The following SSBP3 variants were observed in gnomAD, a reference collection of about 807,000 sequenced individuals.
SSBP3 encodes the protein single stranded DNA binding protein 3.
In SSBP3, 5 loss-of-function variants were observed where a neutral mutation model predicts 69.6. That is an observed-to-expected ratio of 0.07 (90% CI 0.04 to 0.15). The LOEUF (loss-of-function observed/expected upper bound fraction) is 0.15, where lower values mean the gene tolerates loss of function less well. Ranked by LOEUF, SSBP3 falls within the 10% of genes least tolerant of loss-of-function variation. The pLI, the probability that SSBP3 is intolerant of heterozygous loss-of-function variation, is 1.00. For synonymous variants in SSBP3, 196 were observed against 193.4 expected (o/e 1.01, Z -0.11); for missense variants, 312 against 534.0 (o/e 0.58, Z 4.10).
intron 14 of SSBP3, among the ~76,000 whole-genome samples, chr1:54,233,489 G>T (rs1377580764): frequency 6.7e-6 from 1 of 149,208 alleles, no homozygotes; most frequent in Admixed American, 6.6e-5. Flanking sequence ...GGAGGGAGGT[G>T]GGGGGTCAGC....
intron 4 of SSBP3, among the ~76,000 whole-genome samples, chr1:54,281,828 G>A (rs1188365127): frequency 7.2e-5 from 11 of 152,086 alleles, no homozygotes; most frequent in Admixed American, 7.2e-4. Flanking sequence ...CGGATGTGGT[G>A]GCTCACAACT....
chr1:54,399,563 C>T (rs1207910412), intron 4 of SSBP3, among the ~76,000 whole-genome samples: 1 of 152,158 alleles, frequency 6.6e-6, no homozygotes, highest in Non-Finnish European at 1.5e-5. Context: ...AAGGCGTGAT[C>T]ACAGAATGCA....
intron 4 of SSBP3, among the ~76,000 whole-genome samples, chr1:54,307,928 G>C (rs1022913336): frequency 2.6e-5 from 4 of 152,314 alleles, no homozygotes; most frequent in African/African-American, 9.6e-5. Flanking sequence ...TGTCTATAGA[G>C]TAACCATTCT....
In SSBP3 at chr1:54,228,586, A is replaced by G. The variant is rs1644328399; in HGVS notation, c.1007-109T>C. On this transcript the variant is annotated intron_variant, in intron 15 of 17. Transcript: ENST00000610401. The stretch of plus-strand genomic sequence containing the variant: ...CTAAGCCCTTCCATCCCAGTCCCAC[A>G]CTGTGCGGAGGGCTTTCTGTGCGGC... The G allele has an allele frequency of 1.4e-5, 21 of 1,526,682 alleles. 2 individuals carry two copies. In the South Asian group the frequency reaches 2.3e-4, roughly 16 times the overall value. The allele number at this position is 1,526,682 out of a possible 1,614,324, so 94.6% of individuals were successfully genotyped here.
At chr1:54,412,679 AAG>A (rs903822263) in intron 1 of SSBP3, 2 of 152,228 alleles carry the variant, frequency 1.3e-5, no homozygotes, top group African/African-American at 4.8e-5. Context: ...TACGCTATAA[AAG>A]AGTTACAATG....
At chr1:54,319,470 A>G (rs1343988280) in intron 4 of SSBP3, among the ~76,000 whole-genome samples, 1 of 152,120 alleles carries the variant, frequency 6.6e-6, no homozygotes, top group Non-Finnish European at 1.5e-5. Flanking sequence ...GAAGGACGGG[A>G]AGCAGAAACC....
intron 9 of SSBP3, among the ~76,000 whole-genome samples, chr1:54,246,604 G>A (rs1042283469): frequency 3.9e-5 from 6 of 152,300 alleles, no homozygotes; most frequent in Admixed American, 2.6e-4. Flanking sequence ...CTATCCTGCC[G>A]CTCCTGACCC....
chr1:54,232,671 T>C (rs1323040499), intron 14 of SSBP3, among the ~76,000 whole-genome samples: 1 of 148,800 alleles, frequency 6.7e-6, no homozygotes, highest in African/African-American at 2.5e-5. Flanking sequence ...TGCTGCCATC[T>C]CAGCTCACTG....
intron 4 of SSBP3, among the ~76,000 whole-genome samples, chr1:54,294,772 A>C (rs1645675331): frequency 6.6e-6 from 1 of 152,092 alleles, no homozygotes; most frequent in Admixed American, 6.5e-5. Flanking sequence ...TCTGAAGACG[A>C]GTGTCTGCTC....
rs114969868 is a variant in SSBP3, at chr1:54,363,789, G to A, written c.276+38072C>T. Among the ~76,000 whole-genome samples the A allele has an allele frequency of 5.4e-3, 824 of 152,280 alleles. 13 individuals are homozygous for A. Among genetic ancestry groups the A allele is most frequent in the African/African-American group, 0.019 (786 of 41,552 alleles). ...TATAGGGAAAGGTATATTGTTTTGT[G>A]GTAGAGACTTTCCTTAATCGGACTT... On this transcript the variant is annotated intron_variant, in intron 4 of 17. Transcript: ENST00000610401.
intron 4 of SSBP3, among the ~76,000 whole-genome samples, chr1:54,319,493 A>C (rs190481593): frequency 6.6e-6 from 1 of 152,230 alleles, no homozygotes; most frequent in African/African-American, 2.4e-5. Flanking sequence ...TTTATAAGGG[A>C]AATTTCCAAA....
intron 4 of SSBP3, among the ~76,000 whole-genome samples, chr1:54,399,261 T>C (rs952132773): frequency 3.9e-5 from 6 of 152,220 alleles, no homozygotes; most frequent in Admixed American, 3.9e-4. Context: ...TGCCAACAAA[T>C]GGTACTTGCC....
rs530494505 is a variant in SSBP3 at position 54,411,770 on chromosome 1, C to T, written c.-275+1586G>A. On this transcript the variant is annotated intron_variant, in intron 1 of 8. Transcript: ENST00000525990. ...AGCTGGGCATGGTGGCGGGCGCCTG[C>T]AGTCCCAGCTACTCAGGAGGCTGAG... 2.6e-4 allele frequency among the ~76,000 whole-genome samples: 39 copies of T among 151,350 alleles called. No individual in the cohort carries two copies. In the South Asian group the frequency reaches 4.0e-3, roughly 15 times the overall value.
rs1238821538 is a variant in SSBP3, at chr1:54,258,996, G to A, written c.367-847C>T. ...CCCATGGGTCCAAGGCCCATCTCCA[G>A]CCCTGAAACCCAAGAGTTCCGGTGC... On this transcript the variant is annotated intron_variant, in intron 5 of 17. Transcript: ENST00000610401. The surrounding 1 kb of genome is among the most constrained non-coding windows in gnomAD (Gnocchi z 4.5). Among the ~76,000 whole-genome samples the A allele has an allele frequency of 6.6e-6, 1 of 152,182 alleles. No homozygotes were observed. Among genetic ancestry groups the A allele is most frequent in the Admixed American group, 6.5e-5 (1 of 15,286 alleles).
In SSBP3 at chr1:54,281,207, G is replaced by A. The variant is rs561636424; in HGVS notation, c.366+231C>T. Among the ~76,000 whole-genome samples the A allele has an allele frequency of 3.9e-5, 6 of 152,334 alleles. No individual in the cohort carries two copies. The East Asian group carries it at 1.2e-3, about 29-fold the overall frequency. On this transcript the variant is annotated intron_variant, in intron 5 of 17. Coordinates refer to ENST00000610401, the Ensembl canonical transcript of SSBP3. Reference sequence around the variant, plus strand: ...GCTGGCATGAAGAAAGCAAACTCCAGCAGAAGTGCAGGCAATGCAGGAGGT... The same window carrying A: ...GCTGGCATGAAGAAAGCAAACTCCAACAGAAGTGCAGGCAATGCAGGAGGT...
intron 4 of SSBP3, among the ~76,000 whole-genome samples, chr1:54,327,217 A>AAAGC (rs1646322246): frequency 7.5e-6 from 1 of 134,066 alleles, no homozygotes. Flanking sequence ...AAGAGAGGGA[A>AAAGC]AAGGAAGGAA....
intron 14 of SSBP3, 35 bp downstream of exon 14, chr1:54,239,092 GGT>G: frequency 6.5e-7 from 1 of 1,543,506 alleles, no homozygotes; most frequent in Non-Finnish European, 9.0e-7. Context: ...GATTTGTTAT[GGT>G]GTCTGATATG....
At chr1:54,283,193 A>G (rs1448875352) in intron 4 of SSBP3, among the ~76,000 whole-genome samples, 1 of 151,724 alleles carries the variant, frequency 6.6e-6, no homozygotes, top group Non-Finnish European at 1.5e-5. Context: ...ACTTGAACTC[A>G]GGAGGCAGAG....
chr1:54,231,994 C>T (rs1014672460), intron 14 of SSBP3, among the ~76,000 whole-genome samples: 18 of 152,150 alleles, frequency 1.2e-4, no homozygotes, highest in Non-Finnish European at 1.8e-4. Flanking sequence ...ATGCCCGGCC[C>T]CCTATGATCT....
Sources: allele counts gnomAD v4.1 joint callset (sites outside exome capture counted in the v4.1 genomes callset), GRCh38; gene constraint gnomAD v4.1.1; non-coding constraint Gnocchi (gnomAD v3.1); transcripts MANE v1.5; gene names NCBI Gene and HGNC (gene_info 2026-07-23, HGNC 2026-07-21).